Variants in KCNIP4 observed in about 807,000 individuals in gnomAD.
The protein encoded by KCNIP4 is Kv channel-interacting protein 4.
Under a neutral mutation model 34.0 loss-of-function variants are expected in KCNIP4, and 12 were observed. The ratio of observed to expected loss-of-function variants is 0.35; its 90% CI spans 0.23 to 0.57. The LOEUF is 0.57. Ranked by LOEUF, KCNIP4 falls within the 20% of genes least tolerant of loss-of-function variation. The pLI is 0.83. For synonymous variants in KCNIP4, 124 were observed against 102.2 expected, an observed-to-expected ratio of 1.21 and a Z score of -1.29; for missense variants, 238 against 311.7, an observed-to-expected ratio of 0.76 and a Z score of 1.78.
Position 21,469,374 on chromosome 4 carries a change from C to T in KCNIP4, c.61+479197G>A, listed in dbSNP as rs536769145. On this transcript the variant is annotated intron_variant, in intron 1 of 8. Transcript: ENST00000382152. ...ATACATTATTTTTATCATAACCAAT[C>T]CTCCCTTTTTAAAATTTCCTCTGAG... Among the ~76,000 whole-genome samples the T allele has an allele frequency of 1.2e-4, 19 of 152,250 alleles. No individual in the cohort carries two copies. In the South Asian group the frequency reaches 3.1e-3, roughly 25 times the overall value.
Position 20,949,098 on chromosome 4 carries a change from T to C in KCNIP4, c.62-66389A>G, listed in dbSNP as rs539490559. On this transcript the variant is annotated intron_variant, in intron 1 of 8. Coordinates refer to ENST00000382152, the MANE Select transcript of KCNIP4 (RefSeq NM_025221.6). ...CATGATTTCATATAAATGTGGCCTT[T>C]CTCCTGCTATTCCTCACAGCTCTTC... 1.2e-3 allele frequency among the ~76,000 whole-genome samples: 180 copies of C among 152,286 alleles called. 1 individual carries two copies. The highest frequency in any genetic ancestry group is 4.2e-3 in the African/African-American group (175 of 41,560).
chr4:21,670,872 G>A (rs1048260827), intron 1 of KCNIP4, among the ~76,000 whole-genome samples: 5 of 152,032 alleles, frequency 3.3e-5, no homozygotes, highest in Admixed American at 1.3e-4. Context: ...TAGCCAGGAC[G>A]GTCTCGATCT....
At chr4:20,875,280 A>T (rs1018826047) in intron 2 of KCNIP4, among the ~76,000 whole-genome samples, 14 of 152,168 alleles carry the variant, frequency 9.2e-5, no homozygotes, top group African/African-American at 3.4e-4. Flanking sequence ...TTGCAGCTCC[A>T]CTGCTGTGTT....
At chr4:20,965,235 T>C (rs1198510313) in intron 1 of KCNIP4, among the ~76,000 whole-genome samples, 1 of 152,014 alleles carries the variant, frequency 6.6e-6, no homozygotes, top group Non-Finnish European at 1.5e-5. Flanking sequence ...TATCTGGGAG[T>C]GGCCTCAAAA....
At chr4:21,126,617 C>CAAAAAAAAAAAAAAG (rs1750632408) in intron 1 of KCNIP4, among the ~76,000 whole-genome samples, 1 of 82,064 alleles carries the variant, frequency 1.2e-5, no homozygotes. Context: ...AGAGAAATAG[C>CAAAAAAAAAAAAAAG]AAAAAAAAAA....
chr4:21,660,923 A>G (rs1025396391), intron 1 of KCNIP4, among the ~76,000 whole-genome samples: 3 of 152,088 alleles, frequency 2.0e-5, no homozygotes, highest in Non-Finnish European at 2.9e-5. Flanking sequence ...CAAGCCTGGA[A>G]ACTTGCAGCC....
chr4:21,388,860 T>C (rs1722276197), intron 1 of KCNIP4, among the ~76,000 whole-genome samples: 1 of 152,248 alleles, frequency 6.6e-6, no homozygotes, highest in Non-Finnish European at 1.5e-5. Flanking sequence ...TAATATTTCA[T>C]TGTATACATG....
chr4:21,795,165 C>G (rs1278193965), intron 1 of KCNIP4, among the ~76,000 whole-genome samples: 1 of 152,132 alleles, frequency 6.6e-6, no homozygotes, highest in Non-Finnish European at 1.5e-5. Context: ...AGCACTGATC[C>G]AGTCTGACTG....
chr4:21,081,859 A>C (rs1054822795), intron 1 of KCNIP4, among the ~76,000 whole-genome samples: 2 of 151,808 alleles, frequency 1.3e-5, no homozygotes, highest in African/African-American at 4.8e-5. Context: ...TGGCTCACAC[A>C]TTAAGATGTA....
rs531419591 is a variant in KCNIP4 at position 20,984,339 on chromosome 4, C to T, written c.62-101630G>A. Among the ~76,000 whole-genome samples, 9 of 152,300 alleles carry T rather than the reference C, an allele frequency of 5.9e-5. No individual in the cohort carries two copies. The South Asian group carries it at 1.9e-3, about 32-fold the overall frequency. ...CCGCGCGCTTCCCTCGCTGAGGACGCGAGGCTGGGCAGATCTGTCTGCGCG... is the reference window on the plus strand; with the variant it reads ...CCGCGCGCTTCCCTCGCTGAGGACGTGAGGCTGGGCAGATCTGTCTGCGCG... On this transcript the variant is annotated intron_variant, in intron 1 of 8. Transcript: ENST00000382152.
intron 1 of KCNIP4, among the ~76,000 whole-genome samples, chr4:21,346,673 T>C (rs1208508148): frequency 6.6e-6 from 1 of 152,090 alleles, no homozygotes; most frequent in Non-Finnish European, 1.5e-5. Flanking sequence ...CAAACTTTAT[T>C]GTGTATACAA....
At chr4:21,452,743 G>A (rs1382920914) in intron 1 of KCNIP4, among the ~76,000 whole-genome samples, 1 of 149,508 alleles carries the variant, frequency 6.7e-6, no homozygotes, top group African/African-American at 2.5e-5. Flanking sequence ...CAGAGCATGG[G>A]AAGAAAGCCA....
At chr4:20,744,686 G>A (rs1432103390) in intron 5 of KCNIP4, among the ~76,000 whole-genome samples, 5 of 152,092 alleles carry the variant, frequency 3.3e-5, no homozygotes, top group Non-Finnish European at 5.9e-5. Flanking sequence ...GTTAATGGGT[G>A]CAGCACACCA....
intron 1 of KCNIP4, chr4:21,697,564 C>T: frequency 7.1e-7 from 1 of 1,408,310 alleles, no homozygotes; most frequent in South Asian, 1.7e-5. Flanking sequence ...TGCCTTACAA[C>T]TCCTGTGGAA....
At chr4:21,105,577 T>C (rs1748442042) in intron 1 of KCNIP4, among the ~76,000 whole-genome samples, 1 of 151,664 alleles carries the variant, frequency 6.6e-6, no homozygotes, top group African/African-American at 2.4e-5. Flanking sequence ...CCTAATTGAA[T>C]ACCATTTATT....
chr4:21,098,038 G>C (rs1192382745), intron 1 of KCNIP4, among the ~76,000 whole-genome samples: 1 of 152,148 alleles, frequency 6.6e-6, no homozygotes, highest in Non-Finnish European at 1.5e-5. Flanking sequence ...TATAAAGGAA[G>C]TTTTAGGGCT....
At chr4:21,374,930 G>A (rs985246864) in intron 1 of KCNIP4, among the ~76,000 whole-genome samples, 2 of 147,352 alleles carry the variant, frequency 1.4e-5, no homozygotes, top group Admixed American at 1.3e-4. Context: ...TATACCATCA[G>A]TACCCTAATG....
At chr4:21,344,166 A>C (rs1028934668) in intron 1 of KCNIP4, among the ~76,000 whole-genome samples, 3 of 152,196 alleles carry the variant, frequency 2.0e-5, no homozygotes, top group African/African-American at 7.2e-5. Flanking sequence ...TCCAATAACC[A>C]CAGACCCTGA....
At chr4:21,560,091 C>G (rs1402327972) in intron 1 of KCNIP4, among the ~76,000 whole-genome samples, 3 of 151,858 alleles carry the variant, frequency 2.0e-5, no homozygotes, top group African/African-American at 7.2e-5. Flanking sequence ...TTTTTCTCCC[C>G]CTGGAGAACT....
Sources: gnomAD v4.1 joint callset for allele counts (sites outside exome capture counted in the v4.1 genomes callset) on GRCh38, gnomAD v4.1.1 for gene constraint, MANE v1.5 for transcripts, NCBI Gene and HGNC (gene_info 2026-07-23, HGNC 2026-07-21) for gene names.